GRIP1: variants seen among roughly 807,000 people sequenced by gnomAD.
The protein encoded by GRIP1 is glutamate receptor-interacting protein 1.
A neutral mutation model predicts 129.9 loss-of-function variants in GRIP1; 45 were observed. The ratio of observed to expected loss-of-function variants is 0.35; its 90% CI spans 0.27 to 0.44. The LOEUF is 0.44. Among genes scored for constraint, GRIP1 ranks in the 20% least tolerant of loss-of-function variants. GRIP1 has a pLI of 1.00. For missense variants in GRIP1, 1,196 were observed against 1,396.8 expected, an observed-to-expected ratio of 0.86 and a Z score of 2.29; for synonymous variants, 530 against 520.8, an observed-to-expected ratio of 1.02 and a Z score of -0.24.
chr12:66,841,464 G>A (rs1204117019), intron 1 of GRIP1, among the ~76,000 whole-genome samples: 1 of 152,186 alleles, frequency 6.6e-6, no homozygotes, highest in Admixed American at 6.5e-5. Flanking sequence ...CATCTAATAA[G>A]CAAACATTGT....
chr12:66,621,203 C>T (rs1244707058), intron 1 of GRIP1, among the ~76,000 whole-genome samples: 1 of 152,080 alleles, frequency 6.6e-6, no homozygotes, highest in East Asian at 1.9e-4. Flanking sequence ...CCCCTATTAT[C>T]TTCAGAACTT....
chr12:66,468,888 T>C (rs962121516), intron 7 of GRIP1, among the ~76,000 whole-genome samples: 3 of 152,182 alleles, frequency 2.0e-5, no homozygotes, highest in Non-Finnish European at 4.4e-5. Flanking sequence ...ATCCACAGCT[T>C]CTACAGTATG....
chr12:66,536,630 C>A (rs2061611990), intron 4 of GRIP1, among the ~76,000 whole-genome samples: 1 of 152,192 alleles, frequency 6.6e-6, no homozygotes, highest in Admixed American at 6.5e-5. Flanking sequence ...ACCCTATTTG[C>A]AATTGTATTC....
chr12:66,558,159 C>T (rs1194906893), intron 2 of GRIP1, among the ~76,000 whole-genome samples: 1 of 151,898 alleles, frequency 6.6e-6, no homozygotes, highest in African/African-American at 2.4e-5. Flanking sequence ...ACTCAAAGGA[C>T]CTATATTAGT....
At chr12:66,652,437 G>A (rs1052279878) in intron 1 of GRIP1, among the ~76,000 whole-genome samples, 2 of 152,286 alleles carry the variant, frequency 1.3e-5, no homozygotes, top group Admixed American at 6.5e-5. Flanking sequence ...GGAACTGTGA[G>A]TCAATTAAAC....
intron 4 of GRIP1, among the ~76,000 whole-genome samples, chr12:66,531,253 ATATATATATATATATATATATATATATAT>A (rs1423078359): frequency 0.32 from 5,599 of 17,360 alleles, 624 homozygotes; most frequent in South Asian, 0.47. Context: ...AAAAAAAAAA[ATATATATATATATATATATATATATATAT>A]ATATATATAT....
At chr12:66,971,288 C>T (rs1404422174) in intron 1 of GRIP1, among the ~76,000 whole-genome samples, 1 of 152,122 alleles carries the variant, frequency 6.6e-6, no homozygotes, top group African/African-American at 2.4e-5. Flanking sequence ...CCAAGTTTTA[C>T]TTGCTCAGGT....
intron 1 of GRIP1, among the ~76,000 whole-genome samples, chr12:66,920,684 A>G (rs1022420694): frequency 2.0e-5 from 3 of 152,220 alleles, no homozygotes; most frequent in Non-Finnish European, 4.4e-5. Flanking sequence ...TAACTCAGAC[A>G]TAAATCAGGC....
At chr12:66,695,608 A>T (rs945567029) in intron 1 of GRIP1, among the ~76,000 whole-genome samples, 4 of 152,206 alleles carry the variant, frequency 2.6e-5, no homozygotes, top group African/African-American at 9.7e-5. Context: ...GCTGAAAGCA[A>T]ATGTTTCAAG....
chr12:66,566,139 C>G (rs143968378), intron 2 of GRIP1, among the ~76,000 whole-genome samples: 56,858 of 152,034 alleles, frequency 0.37, 10,819 homozygotes, highest in East Asian at 0.41. Context: ...ATTGCCCTGG[C>G]CAGAACTTCC....
At chr12:67,018,832 T>G (rs1245976710) in intron 1 of GRIP1, among the ~76,000 whole-genome samples, 1 of 152,098 alleles carries the variant, frequency 6.6e-6, no homozygotes, top group Non-Finnish European at 1.5e-5. Context: ...TAAAAACAGT[T>G]GGAAAACCAC....
chr12:67,023,081 T>C (rs902391894), intron 1 of GRIP1, among the ~76,000 whole-genome samples: 2 of 152,216 alleles, frequency 1.3e-5, no homozygotes, highest in Non-Finnish European at 2.9e-5. Context: ...TTCACAATTA[T>C]TTCCTCTCAG....
intron 1 of GRIP1, among the ~76,000 whole-genome samples, chr12:66,824,257 T>A (rs1385778078): frequency 6.6e-6 from 1 of 151,892 alleles, no homozygotes; most frequent in South Asian, 2.1e-4. Context: ...CAAGGTGGAG[T>A]GCAAAGAAGC....
intron 7 of GRIP1, among the ~76,000 whole-genome samples, chr12:66,497,336 T>A (rs2060264923): frequency 6.6e-6 from 1 of 152,206 alleles, no homozygotes. Flanking sequence ...TTTGTCTGAG[T>A]AACAGACATT....
At chr12:66,813,850 GCA>G (rs990320723) in intron 1 of GRIP1, among the ~76,000 whole-genome samples, 2 of 152,016 alleles carry the variant, frequency 1.3e-5, no homozygotes, top group African/African-American at 4.8e-5. Context: ...AGAACTCAGT[GCA>G]CAGTGTTAAA....
At chr12:66,559,972 C>T (rs1421342880) in intron 2 of GRIP1, among the ~76,000 whole-genome samples, 1 of 151,994 alleles carries the variant, frequency 6.6e-6, no homozygotes, top group East Asian at 1.9e-4. Context: ...AAAACAGATA[C>T]ACAGACCAAT....
intron 23 of GRIP1, among the ~76,000 whole-genome samples, chr12:66,361,726 C>A (rs555852319): frequency 2.0e-5 from 3 of 152,332 alleles, no homozygotes; most frequent in African/African-American, 7.2e-5. Flanking sequence ...CACAGCACCC[C>A]TCCTGACTCA....
intron 1 of GRIP1, among the ~76,000 whole-genome samples, chr12:66,832,668 A>G (rs2039539659): frequency 6.6e-6 from 1 of 152,230 alleles, no homozygotes. Context: ...TATCCAAATT[A>G]TAAATATGGA....
intron 1 of GRIP1, among the ~76,000 whole-genome samples, chr12:66,903,426 C>A (rs922376090): frequency 6.6e-6 from 1 of 151,328 alleles, no homozygotes; most frequent in Non-Finnish European, 1.5e-5. Context: ...AGGTTATTAA[C>A]CAACACAGTA....
Sources: gnomAD v4.1 joint callset for allele counts (sites outside exome capture counted in the v4.1 genomes callset) on GRCh38, gnomAD v4.1.1 for gene constraint, MANE v1.5 for transcripts, NCBI Gene and HGNC (gene_info 2026-07-23, HGNC 2026-07-21) for gene names.